Variants in ABCG1 observed in about 807,000 individuals in gnomAD.
The protein encoded by ABCG1 is ATP-binding cassette sub-family G member 1.
In ABCG1, 29 loss-of-function variants were observed where a neutral mutation model predicts 69.2. The ratio of observed to expected loss-of-function variants is 0.42; its 90% CI spans 0.31 to 0.57. ABCG1 has a LOEUF of 0.57. Among genes scored for constraint, ABCG1 ranks in the 20% least tolerant of loss-of-function variants. The probability of loss-of-function intolerance (pLI) is 0.15; values close to 1 mark genes in which losing one functional copy is unlikely to be tolerated. For synonymous variants in ABCG1, 370 were observed against 374.8 expected, an observed-to-expected ratio of 0.99 and a Z score of 0.15; for missense variants, 718 against 898.1, an observed-to-expected ratio of 0.80 and a Z score of 2.56.
At position 42,219,312 on chromosome 21, in the gene ABCG1, A is replaced by G; in HGVS notation, c.42+8A>G. On this transcript the variant is annotated splice_region_variant and intron_variant, in intron 1 of 14. Coordinates refer to ENST00000398449, the MANE Select transcript of ABCG1 (RefSeq NM_016818.3). The surrounding 1 kb of genome is among the most constrained non-coding windows in gnomAD (Gnocchi z 5.3). ...TCGGTCGGCACCGCCATGGTGAGTG[A>G]GCGCATCCTTCGTCCGCCGGGAACG... is the stretch of plus-strand genomic sequence containing the variant. 1 of 1,597,714 alleles carries G rather than the reference A, an allele frequency of 6.3e-7. No individual in the cohort carries two copies. The highest frequency in any genetic ancestry group is 1.7e-5 in the Admixed American group (1 of 59,170).
In ABCG1 at chr21:42,264,705, G is replaced by T. The variant is rs539787215; in HGVS notation, c.287-6365G>T. 6.6e-5 allele frequency among the ~76,000 whole-genome samples: 10 copies of T among 152,160 alleles called. 1 individual carries two copies. The South Asian group carries it at 1.7e-3, about 25-fold the overall frequency. On this transcript the variant is annotated intron_variant, in intron 2 of 14. Transcript: ENST00000398449. ...AGAGAGAGAGGAGGAGAGACAGAGA[G>T]GAGAGAGAGGGAGACAGAGGAGAGA...
intron 7 of ABCG1, among the ~76,000 whole-genome samples, chr21:42,285,124 A>T (rs1451604338): frequency 6.6e-6 from 1 of 152,068 alleles, no homozygotes; most frequent in Admixed American, 6.5e-5. Context: ...CTCCCCTGTT[A>T]AAATGGGGGG....
At position 42,296,565 on chromosome 21, in the gene ABCG1, T is replaced by G. The variant is rs942497213; in HGVS notation, c.*173T>G. 5.4e-5 allele frequency: 33 copies of G among 614,940 alleles called. No homozygotes were observed. Among genetic ancestry groups the G allele is most frequent in the Non-Finnish European group, 9.6e-5 (33 of 344,626 alleles). 38.1% of individuals were successfully genotyped at this position (614,940 alleles called of 1,614,324 possible). ...GCTCAGCCACTCTGCCCAGCTGGGT[T>G]GGATCTTCTCTCCATTCCCCTTTCT... is the stretch of plus-strand genomic sequence containing the variant. On this transcript the variant is annotated 3_prime_UTR_variant, in exon 15 of 15. Transcript: ENST00000398449. The surrounding 1 kb of genome is among the most constrained non-coding windows in gnomAD (Gnocchi z 5.4).
At chr21:42,259,390 T>C in intron 2 of ABCG1, 1 of 1,550,372 alleles carries the variant, frequency 6.5e-7, no homozygotes, top group Non-Finnish European at 8.7e-7. Context: ...ACAGACTGCG[T>C]GTCCTGCAAA....
chr21:42,236,679 A>G (rs1462367283), intron 2 of ABCG1, among the ~76,000 whole-genome samples: 1 of 152,190 alleles, frequency 6.6e-6, no homozygotes, highest in Non-Finnish European at 1.5e-5. Flanking sequence ...CTGTAAGCCC[A>G]TATAGAAATT....
chr21:42,286,684 C>A (rs1225269207), intron 8 of ABCG1, among the ~76,000 whole-genome samples: 1 of 152,028 alleles, frequency 6.6e-6, no homozygotes, highest in African/African-American at 2.4e-5. Context: ...CTGAGTGGGG[C>A]AGGGGAGGTG....
upstream of ABCG1, among the ~76,000 whole-genome samples, chr21:42,218,533 C>T (rs1196074890): frequency 1.3e-5 from 2 of 152,240 alleles, no homozygotes; most frequent in African/African-American, 4.8e-5. Flanking sequence ...CTCAGCACCC[C>T]TTTGTAACCC....
intron 1 of ABCG1, among the ~76,000 whole-genome samples, chr21:42,221,798 A>G (rs1239279582): frequency 2.6e-5 from 4 of 152,166 alleles, no homozygotes; most frequent in Non-Finnish European, 5.9e-5. Context: ...ACTTCCTCCT[A>G]ATGCTAGGAG....
At chr21:42,228,616 T>G (rs1194508732) in intron 2 of ABCG1, among the ~76,000 whole-genome samples, 3 of 152,180 alleles carry the variant, frequency 2.0e-5, no homozygotes, top group Admixed American at 2.0e-4. Flanking sequence ...AATTTCTAGC[T>G]CTGTGCACTC....
At chr21:42,258,753 G>GT (rs948044195) in intron 2 of ABCG1, among the ~76,000 whole-genome samples, 8 of 152,190 alleles carry the variant, frequency 5.3e-5, no homozygotes, top group Non-Finnish European at 1.0e-4. Context: ...GGCAGCTGCT[G>GT]TAAGACTCGG....
At chr21:42,220,621 T>C (rs550102124) in intron 1 of ABCG1, among the ~76,000 whole-genome samples, 66 of 152,380 alleles carry the variant, frequency 4.3e-4, no homozygotes, top group Middle Eastern at 3.4e-3. Flanking sequence ...ACCCGCAGGC[T>C]GACTCGCCTC....
At position 42,200,305 on chromosome 21, in the gene ABCG1, C is replaced by T. The variant is rs192893840; in HGVS notation, c.-100+456C>T. Among the ~76,000 whole-genome samples the T allele has an allele frequency of 4.5e-3, 685 of 152,292 alleles. 5 individuals are homozygous for T. Among genetic ancestry groups the T allele is most frequent in the African/African-American group, 0.015 (632 of 41,552 alleles). ...TGCCTACTCCTCTGCAGGGTCCCAA[C>T]GGGTTTCTAGATCCCTCCAGAGAAG... On this transcript the variant is annotated intron_variant, in intron 1 of 15. Coordinates refer to the ABCG1 transcript ENST00000398457.
intron 2 of ABCG1, among the ~76,000 whole-genome samples, chr21:42,234,657 T>A (rs906944425): frequency 1.3e-5 from 2 of 152,214 alleles, no homozygotes; most frequent in Admixed American, 6.5e-5. Flanking sequence ...GTGTCAGCTC[T>A]AACGCAGGCT....
At chr21:42,255,813 C>A (rs1425510481) in intron 2 of ABCG1, among the ~76,000 whole-genome samples, 2 of 152,200 alleles carry the variant, frequency 1.3e-5, no homozygotes, top group African/African-American at 2.4e-5. Context: ...CTCTCCAGTT[C>A]TCCTGCCGTG....
At chr21:42,234,640 C>T (rs1185533189) in intron 2 of ABCG1, among the ~76,000 whole-genome samples, 1 of 152,220 alleles carries the variant, frequency 6.6e-6, no homozygotes, top group African/African-American at 2.4e-5. Context: ...CGGGCTCTGC[C>T]CACTAAGTGT....
At position 42,219,790 on chromosome 21, in the gene ABCG1, A is replaced by G; in HGVS notation, c.42+486A>G. ...GGAACGCCAGGCAAGGTCTGGGGGAACAAAAGAGGAAGCTGCCCCCAGAGA... is the reference window on the plus strand; with the variant it reads ...GGAACGCCAGGCAAGGTCTGGGGGAGCAAAAGAGGAAGCTGCCCCCAGAGA... On this transcript the variant is annotated intron_variant, in intron 1 of 14. Coordinates refer to ENST00000398449, the MANE Select transcript of ABCG1 (RefSeq NM_016818.3). This position sits in a 1 kb window ranked among gnomAD's most constrained non-coding sequence, Gnocchi z 5.3. 7.1e-7 allele frequency: 1 copy of G among 1,412,922 alleles called. No individual in the cohort carries two copies. The highest frequency in any genetic ancestry group is 1.5e-5 in the South Asian group (1 of 67,898). The allele number at this position is 1,412,922 out of a possible 1,614,324, so 87.5% of individuals were successfully genotyped here. A position where few individuals can be genotyped will look rare whatever the true frequency, so the allele number is the denominator to read the frequency against.
chr21:42,251,110 C>T (rs9979980), intron 2 of ABCG1, among the ~76,000 whole-genome samples: 1,574 of 152,234 alleles, frequency 0.01, 13 homozygotes, highest in Middle Eastern at 0.017. Flanking sequence ...CACGGTCGGT[C>T]GGTGACCTAC....
intron 2 of ABCG1, among the ~76,000 whole-genome samples, chr21:42,249,231 C>T (rs919903166): frequency 6.6e-6 from 1 of 152,048 alleles, no homozygotes; most frequent in Admixed American, 6.5e-5. Context: ...GGAGGGGCGC[C>T]GGGCCTGGGG....
chr21:42,283,740 C>A lies in ABCG1; in HGVS notation c.735-820C>A, dbSNP rs1305298607. 2.0e-3 allele frequency among the ~76,000 whole-genome samples: 37 copies of A among 18,916 alleles called. 2 individuals carry two copies. Among genetic ancestry groups the A allele is most frequent in the African/African-American group, 5.5e-3 (14 of 2,568 alleles). 12.4% of individuals were successfully genotyped at this position (18,916 alleles called of 152,430 possible). On this transcript the variant is annotated intron_variant, in intron 6 of 14. Coordinates refer to ENST00000398449, the MANE Select transcript of ABCG1 (RefSeq NM_016818.3). ...CACCCACCACCCAGATGAGTGGGGA[C>A]CCCCCACCTCTGTCCTGCCTGGACA... is the stretch of plus-strand genomic sequence containing the variant.
Sources: allele counts gnomAD v4.1 joint callset (sites outside exome capture counted in the v4.1 genomes callset), GRCh38; gene constraint gnomAD v4.1.1; non-coding constraint Gnocchi (gnomAD v3.1); transcripts MANE v1.5; gene names NCBI Gene and HGNC (gene_info 2026-07-23, HGNC 2026-07-21).